Variants in ARHGAP27 observed in about 807,000 individuals in gnomAD.
ARHGAP27 encodes Rho GTPase activating protein 27.
A neutral mutation model predicts 102.0 loss-of-function variants in ARHGAP27; 53 were observed. The observed-to-expected ratio is 0.52, with a 90% CI of 0.42 to 0.65. The LOEUF is 0.65. Among genes scored for constraint, ARHGAP27 ranks in the 30% least tolerant of loss-of-function variants. The pLI, the probability that ARHGAP27 is intolerant of heterozygous loss-of-function variation, is 0.00. For synonymous variants in ARHGAP27, 525 were observed against 542.8 expected (o/e 0.97, Z 0.46); for missense variants, 1,117 against 1,256.2 (o/e 0.89, Z 1.68).
intron 16 of ARHGAP27, 49 bp from the exon 17 acceptor site, chr17:45,396,333 T>G (rs765332100): frequency 7.1e-6 from 11 of 1,555,468 alleles, no homozygotes; most frequent in Middle Eastern, 3.8e-4. Context: ...GGGGATAGGG[T>G]GGGGCTACGG....
At chr17:45,404,728 G>T in intron 6 of ARHGAP27, 47 bp from the exon 7 acceptor site, 1 of 1,577,164 alleles carries the variant, frequency 6.3e-7, no homozygotes, top group Non-Finnish European at 8.6e-7. Context: ...CTTATGAGAG[G>T]GGAGGAAAAG....
rs771520643 is a variant in ARHGAP27, at chr17:45,396,003, C to A, written c.2366G>T (p.Arg789Leu). Residue 789 changes from arginine to leucine, a missense_variant, in exon 18 of 20, where the codon CGC becomes CTC. By Grantham distance (102) the Arg-to-Leu change is moderately radical. This residue lies in a region of ARHGAP27 where 493 missense variants were observed against 505.5 expected (regional missense o/e 0.98). Transcript: ENST00000685559. ...PEPLFPFSHF[R>L]QFIAAIKLQD... ...CTCACTGATGGCCGCAATGAACTGGCGGAAGTGCGAGAAGGGGAAGAGGGG... is the reference window on the plus strand; with the variant it reads ...CTCACTGATGGCCGCAATGAACTGGAGGAAGTGCGAGAAGGGGAAGAGGGG... 5 of 1,612,130 alleles carry A rather than the reference C, an allele frequency of 3.1e-6. No individual in the cohort carries two copies. Among genetic ancestry groups the A allele is most frequent in the East Asian group, 2.2e-5 (1 of 44,840 alleles).
intron 4 of ARHGAP27, 56 bp from the exon 5 acceptor site, chr17:45,406,139 C>T: frequency 6.8e-7 from 1 of 1,466,006 alleles, no homozygotes; most frequent in Non-Finnish European, 9.0e-7. Context: ...AAAATGGTAA[C>T]AGAGGTCCCC....
chr17:45,398,661 G>A (rs1479220646), intron 12 of ARHGAP27, among the ~76,000 whole-genome samples: 4 of 151,636 alleles, frequency 2.6e-5, no homozygotes, highest in Admixed American at 2.6e-4. Flanking sequence ...TTGAACCCGG[G>A]AAGCGGAGGT....
chr17:45,395,431 C>T lies in ARHGAP27; in HGVS notation c.*25G>A, dbSNP rs747468385. 2 of 1,539,348 alleles carry T rather than the reference C, an allele frequency of 1.3e-6. No individual in the cohort carries two copies. The highest frequency in any genetic ancestry group is 2.4e-5 in the East Asian group (1 of 40,934). ...CCAGCTTGTGTGGCAGGACCGCGGC[C>T]GCCGCCCCAGTCACAGGCCAGCAGT... On this transcript the variant is annotated 3_prime_UTR_variant, in exon 20 of 20. Coordinates refer to ENST00000685559, the MANE Select transcript of ARHGAP27 (RefSeq NM_001282290.2).
At chr17:45,397,925 C>G (rs1229451754) in intron 13 of ARHGAP27, 24 bp downstream of exon 13, 1 of 1,583,970 alleles carries the variant, frequency 6.3e-7, no homozygotes, top group East Asian at 2.3e-5. Context: ...CCCACTGCCC[C>G]TAGAGGCCCT....
intron 4 of ARHGAP27, among the ~76,000 whole-genome samples, chr17:45,415,380 G>A (rs1039073276): frequency 2.0e-5 from 3 of 152,008 alleles, no homozygotes; most frequent in African/African-American, 4.8e-5. Flanking sequence ...CCTCTGCCAC[G>A]GCCTCATGCT....
intron 6 of ARHGAP27, 31 bp from the exon 7 acceptor site, chr17:45,404,712 G>C (rs1182876087): frequency 6.3e-7 from 1 of 1,595,646 alleles, no homozygotes; most frequent in Non-Finnish European, 8.5e-7. Context: ...AGGGCCTCCA[G>C]CCCAGCTTAT....
chr17:45,397,021 C>T lies in ARHGAP27; in HGVS notation c.1846G>A (p.Ala616Thr), dbSNP rs147050844. 1.7e-5 allele frequency: 27 copies of T among 1,602,806 alleles called. No individual in the cohort carries two copies. In the African/African-American group the frequency reaches 2.1e-4, roughly 13 times the overall value. ...AIAQGIQELSAELPPEESESS... is the reference protein window; with the variant it reads ...AIAQGIQELSTELPPEESESS... ...TCGCTCTCCTCTGGGGGCAGCTCTG[C>T]GGACTGGATTCCCATAGCCTCAGAG... Residue 616 changes from alanine (A) to threonine (T), a missense_variant, in exon 14 of 20, where the codon GCA becomes ACA. Physicochemically the swap from Ala to Thr is moderately conservative, Grantham distance 58. Transcript: ENST00000685559.
chr17:45,428,758 T>C (rs1266657018), intron 4 of ARHGAP27, among the ~76,000 whole-genome samples: 2 of 152,162 alleles, frequency 1.3e-5, no homozygotes, highest in African/African-American at 4.8e-5. Context: ...GAACTGCCCC[T>C]AGATCATCAC....
chr17:45,404,784 G>A, intron 6 of ARHGAP27, 103 bp from the exon 7 acceptor site: 1 of 1,493,940 alleles, frequency 6.7e-7, no homozygotes, highest in South Asian at 1.2e-5. Context: ...AGTCTGGAGG[G>A]GCAGGTGCAG....
At chr17:45,409,421 CA>C (rs1472864198) in intron 4 of ARHGAP27, 1 of 152,332 alleles carries the variant, frequency 6.6e-6, no homozygotes, top group Non-Finnish European at 1.5e-5. Flanking sequence ...AGGGCTGTCA[CA>C]AGGAAGAGAA....
intron 4 of ARHGAP27, chr17:45,409,566 A>T (rs1439798839): frequency 6.6e-6 from 1 of 151,654 alleles, no homozygotes; most frequent in Admixed American, 6.6e-5. Context: ...AGCAGAGTCT[A>T]CTCCCTGTTA....
intron 4 of ARHGAP27, chr17:45,409,922 A>G: frequency 2.7e-6 from 1 of 376,458 alleles, no homozygotes. Flanking sequence ...TTCCGACCTC[A>G]GGCCAGAGGA....
chr17:45,423,632 A>G (rs1005527997), intron 4 of ARHGAP27, among the ~76,000 whole-genome samples: 1 of 152,174 alleles, frequency 6.6e-6, no homozygotes, highest in Non-Finnish European at 1.5e-5. Flanking sequence ...GCCATGCCAT[A>G]CAATATCATA....
At chr17:45,424,272 G>A (rs1405208804) in intron 4 of ARHGAP27, among the ~76,000 whole-genome samples, 1 of 152,254 alleles carries the variant, frequency 6.6e-6, no homozygotes, top group Non-Finnish European at 1.5e-5. Context: ...TCTGGAAACA[G>A]AGCTTCCCAA....
intron 4 of ARHGAP27, among the ~76,000 whole-genome samples, chr17:45,411,795 T>TCACACACACA (rs3068161): frequency 2.9e-3 from 430 of 149,156 alleles, no homozygotes; most frequent in African/African-American, 9.3e-3. Flanking sequence ...GGATGAGGAC[T>TCACACACACA]CACACACACA....
chr17:45,395,120 C>A lies in ARHGAP27; in HGVS notation c.*336G>T, dbSNP rs568409224. 1.3e-4 allele frequency: 48 copies of A among 379,698 alleles called. No individual in the cohort carries two copies. The Admixed American group carries it at 1.6e-3, about 13-fold the overall frequency. The allele number at this position is 379,698 out of a possible 1,614,324, so 23.5% of individuals were successfully genotyped here. ...AAGCCCTCCATCAAACTCCTCCTCC[C>A]AGCACCTACCATTCCAGAAAACAAA... On this transcript the variant is annotated 3_prime_UTR_variant, in exon 20 of 20. Transcript: ENST00000685559.
chr17:45,404,804 T>A, intron 6 of ARHGAP27, 120 bp downstream of exon 6: 1 of 1,524,008 alleles, frequency 6.6e-7, no homozygotes, highest in South Asian at 1.2e-5. Flanking sequence ...GGTGACTGTG[T>A]TTGGCTGGTT....
Sources: gnomAD v4.1 joint callset for allele counts (sites outside exome capture counted in the v4.1 genomes callset) on GRCh38, gnomAD v4.1.1 for gene constraint, gnomAD v4.1.1 regional missense constraint, MANE v1.5 for transcripts, NCBI Gene and HGNC (gene_info 2026-07-23, HGNC 2026-07-21) for gene names.